PTPRD: variants seen among roughly 807,000 people sequenced by gnomAD.
PTPRD encodes the protein receptor-type tyrosine-protein phosphatase delta.
Under a neutral mutation model 214.5 loss-of-function variants are expected in PTPRD, and 34 were observed. That is an observed-to-expected ratio of 0.16 (90% CI 0.12 to 0.21). The LOEUF (loss-of-function observed/expected upper bound fraction) is 0.21. Ranked by LOEUF, PTPRD falls within the 10% of genes least tolerant of loss-of-function variation. The probability of loss-of-function intolerance (pLI) is 1.00; values close to 1 mark genes in which losing one functional copy is unlikely to be tolerated. For missense variants in PTPRD, 2,545 were observed against 2,398.7 expected (o/e 1.06, Z -1.27); for synonymous variants, 1,128 against 845.7 (o/e 1.33, Z -5.79).
chr9:8,660,791 A>G (rs1013793770), intron 12 of PTPRD, among the ~76,000 whole-genome samples: 2 of 152,134 alleles, frequency 1.3e-5, no homozygotes, highest in Non-Finnish European at 2.9e-5. Flanking sequence ...TTGACTTTCC[A>G]CTTACTCTTT....
chr9:9,632,086 G>GA (rs2095612886), intron 7 of PTPRD, among the ~76,000 whole-genome samples: 1 of 152,174 alleles, frequency 6.6e-6, no homozygotes, highest in African/African-American at 2.4e-5. Context: ...ATGTCCACAT[G>GA]AAAACTTGTA....
At chr9:8,357,991 T>G (rs984843051) in intron 39 of PTPRD, among the ~76,000 whole-genome samples, 1 of 152,214 alleles carries the variant, frequency 6.6e-6, no homozygotes, top group African/African-American at 2.4e-5. Context: ...GTAATTCTAC[T>G]AAGTCCCGTA....
intron 14 of PTPRD, among the ~76,000 whole-genome samples, chr9:8,596,038 A>G (rs1477463175): frequency 6.6e-6 from 1 of 152,200 alleles, no homozygotes. Context: ...TATGTCTTAA[A>G]GGCACAGGTA....
At chr9:9,295,820 A>G (rs1952803897) in intron 9 of PTPRD, among the ~76,000 whole-genome samples, 1 of 151,804 alleles carries the variant, frequency 6.6e-6, no homozygotes, top group Non-Finnish European at 1.5e-5. Context: ...AACTCTGATC[A>G]GGGCTTCGAA....
At chr9:9,132,927 TAA>T (rs1196594837) in intron 10 of PTPRD, among the ~76,000 whole-genome samples, 2 of 152,196 alleles carry the variant, frequency 1.3e-5, no homozygotes, top group African/African-American at 4.8e-5. Context: ...TATATAATAT[TAA>T]GTTATATTCA....
chr9:9,878,781 C>A (rs966913840), intron 5 of PTPRD, among the ~76,000 whole-genome samples: 11 of 152,186 alleles, frequency 7.2e-5, no homozygotes, highest in Non-Finnish European at 1.5e-5. Flanking sequence ...CATTCTTCTT[C>A]TAATAATACA....
chr9:9,753,698 G>C (rs1317653404), intron 6 of PTPRD, among the ~76,000 whole-genome samples: 1 of 151,972 alleles, frequency 6.6e-6, no homozygotes, highest in East Asian at 1.9e-4. Context: ...CCTCAAAAAG[G>C]AAGGTCCAAT....
chr9:10,016,387 A>T (rs1160309164), intron 4 of PTPRD, among the ~76,000 whole-genome samples: 1 of 140,462 alleles, frequency 7.1e-6, no homozygotes, highest in African/African-American at 2.7e-5. Context: ...ATAGATAGAT[A>T]GATAGATAGA....
intron 7 of PTPRD, among the ~76,000 whole-genome samples, chr9:9,665,649 G>A (rs935431590): frequency 2.6e-5 from 4 of 151,670 alleles, no homozygotes; most frequent in Non-Finnish European, 1.5e-5. Context: ...TCTCAGCTGT[G>A]TCTCCACCTT....
intron 3 of PTPRD, among the ~76,000 whole-genome samples, chr9:10,186,786 T>C (rs954262820): frequency 1.3e-5 from 2 of 151,906 alleles, no homozygotes; most frequent in African/African-American, 4.8e-5. Context: ...GAAAACTGAG[T>C]TTTCAGATTA....
chr9:9,035,393 T>C (rs187449197), intron 10 of PTPRD, among the ~76,000 whole-genome samples: 43 of 152,252 alleles, frequency 2.8e-4, no homozygotes, highest in African/African-American at 1.0e-3. Flanking sequence ...TATTGAGGAA[T>C]GTCTTTCTCA....
At chr9:9,366,763 AC>A (rs1210118542) in intron 9 of PTPRD, among the ~76,000 whole-genome samples, 1 of 151,592 alleles carries the variant, frequency 6.6e-6, no homozygotes, top group African/African-American at 2.4e-5. Flanking sequence ...AAAAGAGGTT[AC>A]AAAAAAGACA....
At position 10,032,739 on chromosome 9, in the gene PTPRD, G is replaced by A. The variant is rs1001910579; in HGVS notation, c.-472+979C>T. ...AAGTTGATAAAAATCAGGAGAAGGC[G>A]AGGATTTTTAGGATTGATTGGGATT... On this transcript the variant is annotated intron_variant, in intron 4 of 45. Coordinates refer to ENST00000381196, the MANE Select transcript of PTPRD (RefSeq NM_002839.4). 5.3e-5 allele frequency among the ~76,000 whole-genome samples: 8 copies of A among 152,194 alleles called. No individual in the cohort carries two copies. In the East Asian group the frequency reaches 7.7e-4, roughly 15 times the overall value.
At chr9:9,080,830 G>A (rs991704678) in intron 10 of PTPRD, among the ~76,000 whole-genome samples, 3 of 152,130 alleles carry the variant, frequency 2.0e-5, no homozygotes, top group African/African-American at 7.2e-5. Flanking sequence ...ATTTCTGTGG[G>A]ATCAGTGGTG....
intron 5 of PTPRD, among the ~76,000 whole-genome samples, chr9:9,937,764 G>T (rs993691690): frequency 5.9e-5 from 9 of 152,088 alleles, no homozygotes; most frequent in African/African-American, 2.2e-4. Flanking sequence ...TAAGTTATGT[G>T]TAGGCCCACC....
At chr9:8,336,488 A>AAAAAAAAC (rs1334327792) in intron 43 of PTPRD, among the ~76,000 whole-genome samples, 2 of 149,708 alleles carry the variant, frequency 1.3e-5, no homozygotes, top group East Asian at 1.9e-4. Context: ...AATGATGAAA[A>AAAAAAAAC]CCCCTAGAAG....
intron 9 of PTPRD, among the ~76,000 whole-genome samples, chr9:9,290,891 T>A (rs892189909): frequency 9.3e-5 from 14 of 151,346 alleles, no homozygotes; most frequent in African/African-American, 2.4e-5. Context: ...CAAGATAGAG[T>A]CTTTGCTATC....
intron 11 of PTPRD, among the ~76,000 whole-genome samples, chr9:8,907,145 T>A (rs966114926): frequency 6.6e-6 from 1 of 151,692 alleles, no homozygotes; most frequent in African/African-American, 2.4e-5. Flanking sequence ...AAAATACTTA[T>A]AAACACACCA....
chr9:8,797,279 T>C (rs1297204053), intron 11 of PTPRD: 3 of 152,200 alleles, frequency 2.0e-5, no homozygotes, highest in African/African-American at 7.2e-5. Context: ...CCAAGAGATT[T>C]ACTCCTAGTT....
Sources: gnomAD v4.1 joint callset for allele counts (sites outside exome capture counted in the v4.1 genomes callset) on GRCh38, gnomAD v4.1.1 for gene constraint, MANE v1.5 for transcripts, NCBI Gene and HGNC (gene_info 2026-07-23, HGNC 2026-07-21) for gene names.